Variants in UBE3A observed in about 807,000 individuals in gnomAD.
UBE3A encodes ubiquitin-protein ligase E3A.
UBE3A carries 6 observed loss-of-function variants against 83.4 expected under a neutral mutation model. The observed-to-expected ratio is 0.07, with a 90% CI of 0.04 to 0.14. The LOEUF (loss-of-function observed/expected upper bound fraction) is 0.14. Ranked by LOEUF, UBE3A falls within the 10% of genes least tolerant of loss-of-function variation. UBE3A has a pLI of 1.00. For missense variants in UBE3A, 456 were observed against 1,036.1 expected (o/e 0.44, Z 7.69); for synonymous variants, 337 against 355.4 (o/e 0.95, Z 0.58).
chr15:25,422,962 C>T (rs1172781494), intron 1 of UBE3A, among the ~76,000 whole-genome samples: 3 of 151,866 alleles, frequency 2.0e-5, no homozygotes, highest in African/African-American at 4.8e-5. Context: ...TGCTCCAGCC[C>T]GGGTGACAGA....
At chr15:25,376,665 CCAAAAA>C (rs1005072953) in intron 4 of UBE3A, among the ~76,000 whole-genome samples, 2 of 150,740 alleles carry the variant, frequency 1.3e-5, no homozygotes, top group African/African-American at 4.9e-5. Flanking sequence ...CAAACAAAAA[CCAAAAA>C]GAAAAAGAAA....
At chr15:25,347,063 AAAAC>A (rs1282435177) in intron 11 of UBE3A, 3 of 152,326 alleles carry the variant, frequency 2.0e-5, no homozygotes, top group East Asian at 1.9e-4. Flanking sequence ...CAGAAAGAGA[AAAAC>A]AAAAAGAATT....
chr15:25,385,485 C>A (rs1480725532), intron 4 of UBE3A, among the ~76,000 whole-genome samples: 1 of 151,880 alleles, frequency 6.6e-6, no homozygotes, highest in Admixed American at 6.6e-5. Context: ...CCCTTATGCA[C>A]CACTGGTGAA....
rs2074119509 is a variant in UBE3A at position 25,338,153 on chromosome 15, T to TA, written c.*983dup. ...AAGGGGAGACTTTGGATTGTCTATT[T>TA]AAAATCTAGGTAATAAGTAAGTAAT... On this transcript the variant is annotated 3_prime_UTR_variant, in exon 13 of 13. Coordinates refer to ENST00000648336, the MANE Select transcript of UBE3A (RefSeq NM_130839.5). 2 of 152,260 alleles carry TA rather than the reference T, an allele frequency of 1.3e-5. No homozygotes were observed. Among genetic ancestry groups the TA allele is most frequent in the African/African-American group, 4.8e-5 (2 of 41,556 alleles). The allele number at this position is 152,260 out of a possible 1,614,324, so 9.4% of individuals were successfully genotyped here.
chr15:25,405,024 T>G (rs1000570423), intron 4 of UBE3A, among the ~76,000 whole-genome samples: 1 of 152,220 alleles, frequency 6.6e-6, no homozygotes, highest in Non-Finnish European at 1.5e-5. Flanking sequence ...CCATTCTACC[T>G]CAGTGACTGA....
At position 25,349,117 on chromosome 15, in the gene UBE3A, G is replaced by A. The variant is rs566893541; in HGVS notation, c.2354+5236C>T. Among the ~76,000 whole-genome samples the A allele has an allele frequency of 2.6e-5, 4 of 152,258 alleles. No homozygotes were observed. In the South Asian group the frequency reaches 8.3e-4, roughly 32 times the overall value. On this transcript the variant is annotated intron_variant, in intron 11 of 12. Coordinates refer to ENST00000648336, the MANE Select transcript of UBE3A (RefSeq NM_130839.5). ...AACAGAATGGAGAATCCAGAAACAC[G>A]GCTCACACACAGATTGATTTTCAAC...
intron 4 of UBE3A, among the ~76,000 whole-genome samples, chr15:25,402,144 T>C (rs763191486): frequency 1.1e-4 from 17 of 152,194 alleles, no homozygotes; most frequent in Non-Finnish European, 2.2e-4. Context: ...ACCTGCACAT[T>C]TGAAGAAGCT....
chr15:25,353,455 G>A (rs905322805), intron 11 of UBE3A, among the ~76,000 whole-genome samples: 2 of 152,156 alleles, frequency 1.3e-5, no homozygotes, highest in Non-Finnish European at 2.9e-5. Context: ...ATGTATGAAA[G>A]TCAGCCCTCT....
intron 1 of UBE3A, among the ~76,000 whole-genome samples, chr15:25,412,502 A>G (rs1490145964): frequency 6.6e-6 from 1 of 152,198 alleles, no homozygotes; most frequent in Non-Finnish European, 1.5e-5. Flanking sequence ...GGCACAAAAC[A>G]GGACTTCAAT....
intron 3 of UBE3A, chr15:25,408,368 A>C: frequency 1.8e-6 from 1 of 570,288 alleles, no homozygotes; most frequent in Admixed American, 3.0e-5. Flanking sequence ...CATATAACCT[A>C]ATTCAAAACA....
intron 1 of UBE3A, among the ~76,000 whole-genome samples, chr15:25,437,528 C>G (rs1290188665): frequency 6.6e-6 from 1 of 152,146 alleles, no homozygotes; most frequent in Non-Finnish European, 1.5e-5. Context: ...CGGGTCATAT[C>G]CACATTTCTT....
At chr15:25,348,142 T>C (rs926616420) in intron 11 of UBE3A, among the ~76,000 whole-genome samples, 4 of 151,750 alleles carry the variant, frequency 2.6e-5, no homozygotes, top group African/African-American at 4.8e-5. Flanking sequence ...CACCAAGACA[T>C]AGTAATTCTA....
At chr15:25,348,129 A>T (rs550618622) in intron 11 of UBE3A, among the ~76,000 whole-genome samples, 1 of 152,308 alleles carries the variant, frequency 6.6e-6, no homozygotes, top group Non-Finnish European at 1.5e-5. Flanking sequence ...ATAAAGGACC[A>T]ATCACCAAGA....
rs1168323090 is a variant in UBE3A, at chr15:25,338,163, G to GTAAT, written c.*970_*973dup. 2.6e-5 allele frequency: 4 copies of GTAAT among 152,022 alleles called. No individual in the cohort carries two copies. The highest frequency in any genetic ancestry group is 4.4e-5 in the Non-Finnish European group (3 of 67,968). The allele number at this position is 152,022 out of a possible 1,614,324, so 9.4% of individuals were successfully genotyped here. A position where few individuals can be genotyped will look rare whatever the true frequency, so the allele number is the denominator to read the frequency against. ...TTTGGATTGTCTATTTAAAATCTAG[G>GTAAT]TAATAAGTAAGTAATTAATAAAAAC... On this transcript the variant is annotated 3_prime_UTR_variant, in exon 13 of 13. Coordinates refer to ENST00000648336, the MANE Select transcript of UBE3A (RefSeq NM_130839.5).
At chr15:25,352,509 A>G (rs2076652652) in intron 11 of UBE3A, among the ~76,000 whole-genome samples, 1 of 152,234 alleles carries the variant, frequency 6.6e-6, no homozygotes, top group Admixed American at 6.5e-5. Context: ...GTCTAAAAAT[A>G]AGTACATTAT....
chr15:25,418,737 GA>G (rs1888209160), intron 1 of UBE3A: 1 of 152,102 alleles, frequency 6.6e-6, no homozygotes, highest in Admixed American at 6.6e-5. Context: ...GGTCACAATA[GA>G]AGCCATTCCA....
chr15:25,392,796 T>C (rs2084706196), intron 4 of UBE3A, among the ~76,000 whole-genome samples: 1 of 152,014 alleles, frequency 6.6e-6, no homozygotes, highest in East Asian at 1.9e-4. Context: ...TTCAAGAGCC[T>C]AAAGTTCAAG....
At position 25,416,152 on chromosome 15, in the gene UBE3A, T is replaced by G. The variant is rs28445953; in HGVS notation, c.-164-4181A>C. Among the ~76,000 whole-genome samples, 712 of 152,256 alleles carry G rather than the reference T, an allele frequency of 4.7e-3. 2 individuals carry two copies. The highest frequency in any genetic ancestry group is 0.015 in the African/African-American group (632 of 41,568). On this transcript the variant is annotated intron_variant, in intron 1 of 12. Transcript: ENST00000648336. ...TATGCATACCTTATGACTTAAAAAT[T>G]TCACTCTTAAGTATACCAAACAGAA...
chr15:25,418,993 C>A (rs571405467), intron 1 of UBE3A: 2 of 152,224 alleles, frequency 1.3e-5, no homozygotes, highest in African/African-American at 4.8e-5. Context: ...ATATGTTAAA[C>A]CATCTCTAGA....
Sources: allele counts gnomAD v4.1 joint callset (sites outside exome capture counted in the v4.1 genomes callset), GRCh38; gene constraint gnomAD v4.1.1; transcripts MANE v1.5; gene names NCBI Gene and HGNC (gene_info 2026-07-23, HGNC 2026-07-21).